Variants in POT1 observed in about 807,000 individuals in gnomAD.
POT1 encodes the protein protection of telomeres protein 1.
In POT1, 47 loss-of-function variants were observed where a neutral mutation model predicts 78.5. That is an observed-to-expected ratio of 0.60 (90% CI 0.47 to 0.76). POT1 has a LOEUF of 0.76. Ranked by LOEUF, POT1 falls within the 30% of genes least tolerant of loss-of-function variation. The pLI is 0.00. For synonymous variants in POT1, 259 were observed against 260.7 expected, an observed-to-expected ratio of 0.99 and a Z score of 0.06; for missense variants, 646 against 749.9, an observed-to-expected ratio of 0.86 and a Z score of 1.62.
intron 11 of POT1, among the ~76,000 whole-genome samples, chr7:124,849,797 C>T (rs1490696695): frequency 1.3e-5 from 2 of 151,728 alleles, no homozygotes; most frequent in African/African-American, 4.8e-5. Context: ...TATGAATTAG[C>T]CCAGAAAAAA....
At chr7:124,896,280 G>A (rs7797424) in intron 5 of POT1, among the ~76,000 whole-genome samples, 62 of 151,774 alleles carry the variant, frequency 4.1e-4, no homozygotes, top group Admixed American at 1.1e-3. Flanking sequence ...TTTTTGCAAA[G>A]TTCAGAGGCT....
At chr7:124,843,615 T>C (rs1234930141) in intron 12 of POT1, among the ~76,000 whole-genome samples, 5 of 152,152 alleles carry the variant, frequency 3.3e-5, no homozygotes, top group African/African-American at 7.2e-5. Flanking sequence ...ATAGGTACAA[T>C]AGGTCTCCTC....
intron 14 of POT1, among the ~76,000 whole-genome samples, chr7:124,836,294 G>A (rs1469571991): frequency 6.6e-6 from 1 of 152,176 alleles, no homozygotes; most frequent in Non-Finnish European, 1.5e-5. Flanking sequence ...CAAGAACGGT[G>A]AGCTCTGTGG....
intron 9 of POT1, among the ~76,000 whole-genome samples, chr7:124,857,642 C>T (rs1795479007): frequency 6.6e-6 from 1 of 152,182 alleles, no homozygotes; most frequent in Non-Finnish European, 1.5e-5. Context: ...AGAATCTGGC[C>T]AGAGAGGGCC....
At chr7:124,824,312 G>C (rs1794579336) in intron 18 of POT1, among the ~76,000 whole-genome samples, 1 of 151,566 alleles carries the variant, frequency 6.6e-6, no homozygotes, top group Non-Finnish European at 1.5e-5. Context: ...GCAGGTAACA[G>C]TGAGTACATC....
chr7:124,840,730 C>A (rs1038948128), intron 14 of POT1: 1 of 307,700 alleles, frequency 3.2e-6, no homozygotes, highest in African/African-American at 2.2e-5. Context: ...TGCAATCCAA[C>A]AATATAGTTA....
At chr7:124,830,216 TAC>T (rs1378996935) in intron 15 of POT1, among the ~76,000 whole-genome samples, 3 of 152,328 alleles carry the variant, frequency 2.0e-5, no homozygotes, top group Non-Finnish European at 2.9e-5. Flanking sequence ...CATTGTGTAG[TAC>T]AGTTATTTTG....
At chr7:124,865,345 A>C (rs903693558) in intron 7 of POT1, among the ~76,000 whole-genome samples, 4 of 151,972 alleles carry the variant, frequency 2.6e-5, no homozygotes, top group Admixed American at 2.6e-4. Flanking sequence ...AAATTTGGGG[A>C]AATTCTGGTC....
At chr7:124,865,369 A>G (rs1488621927) in intron 7 of POT1, among the ~76,000 whole-genome samples, 3 of 152,052 alleles carry the variant, frequency 2.0e-5, no homozygotes, top group African/African-American at 7.2e-5. Context: ...ATTTCTATAA[A>G]TATTTTATTT....
rs756597245 is a variant in POT1 at position 124,834,582 on chromosome 7, AGTC to A, written c.1505+694_1505+696del. On this transcript the variant is annotated intron_variant, in intron 15 of 18. Transcript: ENST00000357628. Reference sequence around the variant, plus strand: ...CCACTTAGAATGGCGATCATTAAAAAGTCAGGAAACAACAGATGCTTGAGACAA... The same window carrying A: ...CCACTTAGAATGGCGATCATTAAAAAAGGAAACAACAGATGCTTGAGACAA... Among the ~76,000 whole-genome samples, 13 of 151,850 alleles carry A rather than the reference AGTC, an allele frequency of 8.6e-5. No individual in the cohort carries two copies. In the East Asian group the frequency reaches 2.1e-3, roughly 25 times the overall value.
chr7:124,826,640 G>T (rs1331664804), intron 17 of POT1, among the ~76,000 whole-genome samples: 1 of 152,142 alleles, frequency 6.6e-6, no homozygotes, highest in Non-Finnish European at 1.5e-5. Context: ...GGGAGGCCAA[G>T]GGTGGGTGGA....
At chr7:124,922,087 G>C (rs184935256) in intron 2 of POT1, among the ~76,000 whole-genome samples, 1 of 152,038 alleles carries the variant, frequency 6.6e-6, no homozygotes, top group Admixed American at 6.6e-5. Context: ...CCAGAAAGCA[G>C]TGGACCGGCA....
intron 9 of POT1, among the ~76,000 whole-genome samples, chr7:124,857,196 TCTTA>T (rs1403406340): frequency 9.2e-5 from 14 of 152,254 alleles, no homozygotes; most frequent in Non-Finnish European, 2.1e-4. Flanking sequence ...AGATCTTCAC[TCTTA>T]CTGTTTTCTT....
chr7:124,846,748 A>G (rs1207231386), intron 12 of POT1, among the ~76,000 whole-genome samples, 194 bp downstream of exon 12: 1 of 152,162 alleles, frequency 6.6e-6, no homozygotes, highest in Admixed American at 6.5e-5. Context: ...TGCAATGTAA[A>G]GACACGTTAT....
At chr7:124,832,779 G>A (rs866282258) in intron 15 of POT1, among the ~76,000 whole-genome samples, 1 of 148,454 alleles carries the variant, frequency 6.7e-6, no homozygotes, top group Non-Finnish European at 1.5e-5. Flanking sequence ...CTGAGATCAT[G>A]CCACTGCACT....
chr7:124,922,975 G>C (rs1797187676), intron 2 of POT1, among the ~76,000 whole-genome samples: 1 of 151,660 alleles, frequency 6.6e-6, no homozygotes, highest in Non-Finnish European at 1.5e-5. Context: ...CAAAGCCAAA[G>C]TATCTTAACC....
In POT1 at chr7:124,841,175, T is replaced by C. The variant is rs775913689; in HGVS notation, c.1167A>G (p.Gln389=). The change falls in exon 14 of 19, where the codon CAA becomes CAG. Residue 389 remains glutamine (Q), a synonymous_variant. Coordinates refer to ENST00000357628, the MANE Select transcript of POT1 (RefSeq NM_015450.3). ...KLHCPKCHLL[Q]EVPHEGDLDI... ...CCAAATCGCCCTCATGTGGAACTTC[T>C]TGCCTAAAATTATTGGCAATGAAAT... 6 of 1,610,112 alleles carry C rather than the reference T, an allele frequency of 3.7e-6. No homozygotes were observed. The highest frequency in any genetic ancestry group is 4.2e-6 in the Non-Finnish European group (5 of 1,178,124).
chr7:124,854,081 T>C (rs547262820), intron 9 of POT1, among the ~76,000 whole-genome samples: 54 of 151,906 alleles, frequency 3.6e-4, no homozygotes, highest in Non-Finnish European at 6.6e-4. Flanking sequence ...ACATCTTACA[T>C]AACAAAAAAA....
chr7:124,843,393 T>C (rs1215714260), intron 12 of POT1: 1 of 152,556 alleles, frequency 6.6e-6, no homozygotes, highest in East Asian at 1.9e-4. Flanking sequence ...TCAGTTACTT[T>C]TTACAGAACC....
Sources: gnomAD v4.1 joint callset for allele counts (sites outside exome capture counted in the v4.1 genomes callset) on GRCh38, gnomAD v4.1.1 for gene constraint, MANE v1.5 for transcripts, NCBI Gene and HGNC (gene_info 2026-07-23, HGNC 2026-07-21) for gene names.